The following RAPGEF4 variants were observed in gnomAD, a reference collection of about 807,000 sequenced individuals.
RAPGEF4 encodes the protein Rap guanine nucleotide exchange factor 4.
RAPGEF4 carries 66 observed loss-of-function variants against 147.9 expected under a neutral mutation model. The observed-to-expected ratio is 0.45, with a 90% CI of 0.37 to 0.55. RAPGEF4 has a LOEUF of 0.55. Among genes scored for constraint, RAPGEF4 ranks in the 20% least tolerant of loss-of-function variants. The pLI is 0.00. For missense variants in RAPGEF4, 1,071 were observed against 1,257.3 expected, an observed-to-expected ratio of 0.85 and a Z score of 2.24; for synonymous variants, 419 against 442.7, an observed-to-expected ratio of 0.95 and a Z score of 0.67.
At chr2:172,769,306 A>G (rs1697141876) in intron 1 of RAPGEF4, among the ~76,000 whole-genome samples, 1 of 152,194 alleles carries the variant, frequency 6.6e-6, no homozygotes, top group Non-Finnish European at 1.5e-5. Context: ...GTTGAAGCTT[A>G]GACACCCTCT....
chr2:172,999,229 C>T (rs1336404512), intron 16 of RAPGEF4, among the ~76,000 whole-genome samples: 1 of 152,118 alleles, frequency 6.6e-6, no homozygotes, highest in Non-Finnish European at 1.5e-5. Context: ...AACTTCATTT[C>T]CTGCAGTTTT....
chr2:172,841,434 CT>C (rs1389825615), intron 4 of RAPGEF4, among the ~76,000 whole-genome samples: 2 of 152,182 alleles, frequency 1.3e-5, no homozygotes. Flanking sequence ...CAAACCTCTT[CT>C]TTATAAACTA....
At position 172,850,486 on chromosome 2, in the gene RAPGEF4, C is replaced by T. The variant is rs147567983; in HGVS notation, c.444+36061C>T. Among the ~76,000 whole-genome samples the T allele has an allele frequency of 4.5e-3, 688 of 151,990 alleles. 3 individuals are homozygous for T. Among genetic ancestry groups the T allele is most frequent in the African/African-American group, 0.016 (656 of 41,462 alleles). On this transcript the variant is annotated intron_variant, in intron 4 of 30. Coordinates refer to ENST00000397081, the MANE Select transcript of RAPGEF4 (RefSeq NM_007023.4). Reference sequence around the variant, plus strand: ...TTAAAAAATTAGCCGGGCATGGTGGCGGGCACCTATAGTCCCAGCTACTTG... The same window carrying T: ...TTAAAAAATTAGCCGGGCATGGTGGTGGGCACCTATAGTCCCAGCTACTTG...
intron 3 of RAPGEF4, among the ~76,000 whole-genome samples, chr2:172,803,089 C>A (rs771442719): frequency 3.6e-4 from 55 of 152,146 alleles, no homozygotes; most frequent in Non-Finnish European, 5.9e-4. Context: ...TTTCCAGGTG[C>A]ATGGTGCAAG....
At chr2:172,907,841 A>G (rs1699772778) in intron 4 of RAPGEF4, among the ~76,000 whole-genome samples, 1 of 152,172 alleles carries the variant, frequency 6.6e-6, no homozygotes, top group South Asian at 2.1e-4. Context: ...TACTACTACT[A>G]TCCAGAACCA....
chr2:173,037,292 CT>C (rs1290876551), intron 29 of RAPGEF4, among the ~76,000 whole-genome samples: 3 of 63,810 alleles, frequency 4.7e-5, no homozygotes, highest in Non-Finnish European at 1.4e-4. Context: ...TGATCATAGC[CT>C]CACTATAGCC....
intron 1 of RAPGEF4, among the ~76,000 whole-genome samples, chr2:172,789,010 A>G (rs1685534266): frequency 6.6e-6 from 1 of 152,216 alleles, no homozygotes; most frequent in South Asian, 2.1e-4. Flanking sequence ...TGCAGTGGTA[A>G]GCCTGAGGTC....
chr2:172,888,760 T>C (rs147586552), intron 4 of RAPGEF4, among the ~76,000 whole-genome samples: 2 of 152,338 alleles, frequency 1.3e-5, no homozygotes, highest in African/African-American at 4.8e-5. Flanking sequence ...ATTGTCTCCT[T>C]TTTCATGAAA....
At chr2:172,843,820 A>G (rs1691878127) in intron 4 of RAPGEF4, among the ~76,000 whole-genome samples, 1 of 152,244 alleles carries the variant, frequency 6.6e-6, no homozygotes, top group South Asian at 2.1e-4. Context: ...GGCGTACGCT[A>G]GGATCTGTTA....
intron 1 of RAPGEF4, among the ~76,000 whole-genome samples, chr2:172,741,046 A>T (rs1694250628): frequency 6.6e-6 from 1 of 152,198 alleles, no homozygotes; most frequent in Admixed American, 6.5e-5. Context: ...CAGGATGCTT[A>T]CATCTTCTGG....
intron 4 of RAPGEF4, among the ~76,000 whole-genome samples, chr2:172,854,508 C>CT (rs1342724324): frequency 8.6e-5 from 13 of 151,822 alleles, no homozygotes; most frequent in East Asian, 3.8e-4. Context: ...ATGAATTTTG[C>CT]TTTTTTTATC....
chr2:172,769,732 A>C (rs565934191), intron 1 of RAPGEF4, among the ~76,000 whole-genome samples: 78 of 152,282 alleles, frequency 5.1e-4, no homozygotes, highest in African/African-American at 1.6e-3. Context: ...AAAATATATG[A>C]TGTCCAACTG....
At chr2:172,893,073 G>A (rs1259656377) in intron 4 of RAPGEF4, among the ~76,000 whole-genome samples, 1 of 151,830 alleles carries the variant, frequency 6.6e-6, no homozygotes, top group East Asian at 1.9e-4. Flanking sequence ...CTTCTGTCGG[G>A]CACCATGCTA....
At chr2:172,940,156 A>G (rs1687003036) in intron 6 of RAPGEF4, among the ~76,000 whole-genome samples, 1 of 152,090 alleles carries the variant, frequency 6.6e-6, no homozygotes. Flanking sequence ...TTAGACTAGG[A>G]TTATGGGTTT....
At chr2:173,011,698 G>A (rs947537101) in intron 17 of RAPGEF4, among the ~76,000 whole-genome samples, 3 of 151,942 alleles carry the variant, frequency 2.0e-5, no homozygotes, top group South Asian at 4.2e-4. Flanking sequence ...CAAAGTAGTC[G>A]GTTAATTAAT....
At chr2:172,831,376 C>G (rs1031755922) in intron 4 of RAPGEF4, among the ~76,000 whole-genome samples, 1 of 144,150 alleles carries the variant, frequency 6.9e-6, no homozygotes, top group Admixed American at 7.3e-5. Flanking sequence ...TCAAGCAATT[C>G]TCCCGCCTCA....
chr2:172,971,339 A>T (rs1298443526), intron 10 of RAPGEF4, among the ~76,000 whole-genome samples: 1 of 152,226 alleles, frequency 6.6e-6, no homozygotes, highest in East Asian at 1.9e-4. Flanking sequence ...TTGGGAGGAC[A>T]GTTAAGTAGA....
intron 1 of RAPGEF4, among the ~76,000 whole-genome samples, chr2:172,788,843 A>G (rs1023270764): frequency 1.4e-4 from 21 of 152,186 alleles, no homozygotes; most frequent in African/African-American, 5.1e-4. Flanking sequence ...TCAGTGAGCC[A>G]TAATCATGCC....
At chr2:172,922,185 A>C in intron 5 of RAPGEF4, 96 bp from the exon 6 acceptor site, 1 of 1,180,420 alleles carries the variant, frequency 8.5e-7, no homozygotes, top group Non-Finnish European at 1.3e-6. Flanking sequence ...GAAAACACTG[A>C]AATTTTACTT....
Sources: gnomAD v4.1 joint callset for allele counts (sites outside exome capture counted in the v4.1 genomes callset) on GRCh38, gnomAD v4.1.1 for gene constraint, MANE v1.5 for transcripts, NCBI Gene and HGNC (gene_info 2026-07-23, HGNC 2026-07-21) for gene names.